SPTA1: variants seen among roughly 807,000 people sequenced by gnomAD.
The protein encoded by SPTA1 is spectrin alpha, erythrocytic 1.
In SPTA1, 177 loss-of-function variants were observed where a neutral mutation model predicts 324.7. The observed-to-expected ratio is 0.55, with a 90% confidence interval of 0.48 to 0.62. The LOEUF (loss-of-function observed/expected upper bound fraction) is 0.62, where lower values mean the gene tolerates loss of function less well. Ranked by LOEUF, SPTA1 falls within the 20% of genes least tolerant of loss-of-function variation. The probability of loss-of-function intolerance (pLI) is 0.00; values close to 1 mark genes in which losing one functional copy is unlikely to be tolerated. For synonymous variants in SPTA1, 1,195 were observed against 1,041.3 expected, an observed-to-expected ratio of 1.15 and a Z score of -2.84; for missense variants, 3,162 against 2,883.6, an observed-to-expected ratio of 1.10 and a Z score of -2.21.
At chr1:158,648,456 C>T (rs1339202270) in intron 26 of SPTA1, 53 bp downstream of exon 26, 42 of 1,610,862 alleles carry the variant, frequency 2.6e-5, no homozygotes, top group Middle Eastern at 1.7e-4. Context: ...CATTGGTATA[C>T]GGCTAAATAT....
chr1:158,629,050 G>T (rs1650488733), intron 39 of SPTA1, among the ~76,000 whole-genome samples: 1 of 151,700 alleles, frequency 6.6e-6, no homozygotes, highest in Non-Finnish European at 1.5e-5. Flanking sequence ...TTAAGAGGAG[G>T]GAACATTTCT....
chr1:158,670,243 CATA>C (rs1455153629), intron 12 of SPTA1, among the ~76,000 whole-genome samples: 1 of 152,108 alleles, frequency 6.6e-6, no homozygotes, highest in Non-Finnish European at 1.5e-5. Context: ...TCTCCAGTTA[CATA>C]GGAGAAGAGT....
rs969959976 is a variant in SPTA1, at chr1:158,642,061, A to C, written c.4737+350T>G. 1.3e-5 allele frequency among the ~76,000 whole-genome samples: 2 copies of C among 152,032 alleles called. 1 individual carries two copies. Among genetic ancestry groups the C allele is most frequent in the Non-Finnish European group, 2.9e-5 (2 of 68,032 alleles). ...ATTCTCAGCAAAGTATCACAAGGACAAAAAACCAAACACCGCATGTTTTCA... is the reference window on the plus strand; with the variant it reads ...ATTCTCAGCAAAGTATCACAAGGACCAAAAACCAAACACCGCATGTTTTCA... On this transcript the variant is annotated intron_variant, in intron 33 of 51. Transcript: ENST00000643759.
At chr1:158,656,766 T>C in intron 19 of SPTA1, 110 bp from the exon 20 acceptor site, 1 of 977,154 alleles carries the variant, frequency 1.0e-6, no homozygotes, top group Non-Finnish European at 1.6e-6. Context: ...TAAAAGCTGC[T>C]TTCCATCTAT....
At position 158,653,297 on chromosome 1, in the gene SPTA1, C is replaced by G; in HGVS notation, c.3165G>C (p.Gln1055His). ...ACTGGTTCTCAATCTGCTCCTGGCG[C>G]TGGGTGATGTTTCCTGGCTCTTCTC... is the stretch of plus-strand genomic sequence containing the variant. The part of the protein sequence containing the change: ...RRREEPGNIT[Q>H]RQEQIENQYR... Residue 1055 changes from glutamine to histidine, a missense_variant, in exon 22 of 52, where the codon CAG becomes CAC. By Grantham distance (24) the Gln-to-His change is conservative. Transcript: ENST00000643759. 6.2e-7 allele frequency: 1 copy of G among 1,614,130 alleles called. No homozygotes were observed. Among genetic ancestry groups the G allele is most frequent in the East Asian group, 2.2e-5 (1 of 44,884 alleles).
chr1:158,636,762 C>T lies in SPTA1; in HGVS notation c.5190-1G>A. ...GGAGCTCACTCGTATCAACTTCTCCCTAAAATCAAGGAAGAAAACAGAAAG... is the reference window on the plus strand; with the variant it reads ...GGAGCTCACTCGTATCAACTTCTCCTTAAAATCAAGGAAGAAAACAGAAAG... On this transcript the variant is annotated splice_acceptor_variant, in intron 36 of 51. Coordinates refer to ENST00000643759, the MANE Select transcript of SPTA1 (RefSeq NM_003126.4). LOFTEE classifies it high-confidence loss of function. The T allele has an allele frequency of 6.2e-7, 1 of 1,613,992 alleles. No homozygotes were observed. The highest frequency in any genetic ancestry group is 8.5e-7 in the Non-Finnish European group (1 of 1,179,962).
chr1:158,684,956 C>A, intron 2 of SPTA1, 152 bp downstream of exon 2: 1 of 902,062 alleles, frequency 1.1e-6, no homozygotes, highest in Non-Finnish European at 1.7e-6. Flanking sequence ...TAATTTATTT[C>A]TTTAACTTCC....
At chr1:158,671,885 TG>T (rs1654052043) in intron 11 of SPTA1, among the ~76,000 whole-genome samples, 173 bp downstream of exon 11, 1 of 152,212 alleles carries the variant, frequency 6.6e-6, no homozygotes, top group African/African-American at 2.4e-5. Context: ...ATGAGGGAAT[TG>T]TAGGAGCCTT....
chr1:158,643,945 TG>T (rs1651804152), intron 30 of SPTA1, among the ~76,000 whole-genome samples: 1 of 152,026 alleles, frequency 6.6e-6, no homozygotes, highest in South Asian at 2.1e-4. Flanking sequence ...GAGACCAGCC[TG>T]GCTAACATGG....
At chr1:158,638,582 C>T (rs1047071136) in intron 35 of SPTA1, among the ~76,000 whole-genome samples, 49 of 151,972 alleles carry the variant, frequency 3.2e-4, no homozygotes, top group African/African-American at 1.2e-3. Context: ...CTTTGAGAGG[C>T]CAAGGCGGTT....
chr1:158,685,466 T>C, intron 1 of SPTA1, 119 bp from the exon 2 acceptor site: 1 of 1,389,144 alleles, frequency 7.2e-7, no homozygotes, highest in Non-Finnish European at 1.0e-6. Context: ...CTGAAGTTTC[T>C]AGGGACTATT....
chr1:158,680,760 G>A, intron 4 of SPTA1, 31 bp from the exon 5 acceptor site: 3 of 1,612,526 alleles, frequency 1.9e-6, no homozygotes, highest in Non-Finnish European at 2.5e-6. Flanking sequence ...TGAGTTGCCA[G>A]CAAACATTTA....
At position 158,611,209 on chromosome 1, in the gene SPTA1, C is replaced by T; in HGVS notation, c.*55G>A. On this transcript the variant is annotated 3_prime_UTR_variant, in exon 52 of 52. Transcript: ENST00000643759. ...CCACATTTGCCTGTACTCTTTGCCC[C>T]CCAGTAAATTTCCCACGACACTAAG... 6.2e-7 allele frequency: 1 copy of T among 1,609,280 alleles called. No homozygotes were observed. Among genetic ancestry groups the T allele is most frequent in the Non-Finnish European group, 8.5e-7 (1 of 1,176,806 alleles).
intron 51 of SPTA1, chr1:158,612,115 C>T (rs1311871151): frequency 6.5e-6 from 1 of 154,168 alleles, no homozygotes; most frequent in East Asian, 1.9e-4. Context: ...AATTGTTTTC[C>T]CTTTCACTTT....
chr1:158,673,777 A>G (rs1316614463), intron 10 of SPTA1, among the ~76,000 whole-genome samples: 2 of 152,206 alleles, frequency 1.3e-5, no homozygotes, highest in Non-Finnish European at 2.9e-5. Flanking sequence ...CAGAGGGTTG[A>G]TGAAATAAAT....
chr1:158,645,114 T>C, intron 29 of SPTA1, 74 bp downstream of exon 29: 2 of 1,511,574 alleles, frequency 1.3e-6, no homozygotes, highest in South Asian at 2.2e-5. Context: ...GAACGGAGCC[T>C]GTAATGACCA....
At chr1:158,612,484 G>T in intron 51 of SPTA1, 1 of 350,236 alleles carries the variant, frequency 2.9e-6, no homozygotes, top group Non-Finnish European at 5.5e-6. Flanking sequence ...TAGGGACTGT[G>T]TCTTACTAAA....
rs1383635992 is a variant in SPTA1 at position 158,686,594 on chromosome 1, T to G, written c.-77A>C. The G allele has an allele frequency of 4.4e-6, 5 of 1,135,774 alleles. No individual in the cohort carries two copies. The highest frequency in any genetic ancestry group is 1.5e-5 in the African/African-American group (1 of 65,006). 70.4% of individuals were successfully genotyped at this position (1,135,774 alleles called of 1,614,324 possible). Reference sequence around the variant, plus strand: ...GAGAGAGAAATAATTCAAATGGAACTGTCCAGTCGAATTCAAATAGAAATA... The same window carrying G: ...GAGAGAGAAATAATTCAAATGGAACGGTCCAGTCGAATTCAAATAGAAATA... On this transcript the variant is annotated 5_prime_UTR_variant, in exon 1 of 52. Coordinates refer to ENST00000643759, the MANE Select transcript of SPTA1 (RefSeq NM_003126.4).
intron 36 of SPTA1, 101 bp downstream of exon 36, chr1:158,637,932 A>C: frequency 1.5e-6 from 2 of 1,364,666 alleles, no homozygotes; most frequent in Non-Finnish European, 2.1e-6. Context: ...GCTATCTTCA[A>C]GAAACAAGTA....
Sources: allele counts gnomAD v4.1 joint callset (sites outside exome capture counted in the v4.1 genomes callset), GRCh38; gene constraint gnomAD v4.1.1; transcripts MANE v1.5; gene names NCBI Gene and HGNC (gene_info 2026-07-23, HGNC 2026-07-21).